The following TSPEAR variants were observed in gnomAD, a reference collection of about 807,000 sequenced individuals.
TSPEAR encodes thrombospondin type laminin G domain and EAR repeats, also known as thrombospondin-type laminin G domain and EAR repeat-containing protein.
In TSPEAR, 69 loss-of-function variants were observed where a neutral mutation model predicts 71.6. The observed-to-expected ratio is 0.96, with a 90% CI of 0.79 to 1.18. TSPEAR has a LOEUF of 1.18. TSPEAR is among the 50% of genes most tolerant of loss of function. The probability of loss-of-function intolerance (pLI) is 0.00; values close to 1 mark genes in which losing one functional copy is unlikely to be tolerated. For synonymous variants in TSPEAR, 402 were observed against 387.2 expected (o/e 1.04, Z -0.45); for missense variants, 971 against 894.9 (o/e 1.09, Z -1.09).
Position 44,612,119 on chromosome 21 carries a change from A to G in TSPEAR, c.83-44114T>C, listed in dbSNP as rs1413388123. The G allele has an allele frequency of 1.2e-6, 2 of 1,613,808 alleles. No individual in the cohort carries two copies. Among genetic ancestry groups the G allele is most frequent in the African/African-American group, 2.7e-5 (2 of 74,892 alleles). On this transcript the variant is annotated intron_variant, in intron 1 of 11. Coordinates refer to ENST00000323084, the MANE Select transcript of TSPEAR (RefSeq NM_144991.3). The surrounding 1 kb of genome is among the most constrained non-coding windows in gnomAD (Gnocchi z 4.1). ...ACCCACCATGGCTGACGCCTGCTGC[A>G]CCAGGACGTATGTGATTGCTGCATC...
chr21:44,614,402 C>G (rs1427410264), intron 1 of TSPEAR, among the ~76,000 whole-genome samples: 1 of 152,228 alleles, frequency 6.6e-6, no homozygotes, highest in African/African-American at 2.4e-5. Flanking sequence ...GGCACCGTCC[C>G]CAGGGGGCTG....
At chr21:44,632,203 A>G (rs77910379) in intron 1 of TSPEAR, among the ~76,000 whole-genome samples, 2,146 of 152,336 alleles carry the variant, frequency 0.014, 58 homozygotes, top group African/African-American at 0.049. Flanking sequence ...AAACTCAAAA[A>G]GATCCACACA....
chr21:44,638,530 G>T (rs1210954179), intron 1 of TSPEAR: 8 of 293,716 alleles, frequency 2.7e-5, no homozygotes, highest in African/African-American at 1.7e-4. Flanking sequence ...ACTGCAGGGA[G>T]AGTCCTGACC....
chr21:44,642,973 AG>A lies in TSPEAR; in HGVS notation c.82+68459del, dbSNP rs1189069323. 6.6e-6 allele frequency among the ~76,000 whole-genome samples: 1 copy of A among 152,254 alleles called. No homozygotes were observed. Among genetic ancestry groups the A allele is most frequent in the African/African-American group, 2.4e-5 (1 of 41,476 alleles). The stretch of plus-strand genomic sequence containing the variant: ...ATACCTGCACTGCCATGCTAACTGC[AG>A]CACTATTCACAACAGCAAAGATACG... On this transcript the variant is annotated intron_variant, in intron 1 of 11. Coordinates refer to ENST00000323084, the MANE Select transcript of TSPEAR (RefSeq NM_144991.3). The surrounding 1 kb of genome is among the most constrained non-coding windows in gnomAD (Gnocchi z 4.1).
intron 11 of TSPEAR, among the ~76,000 whole-genome samples, chr21:44,501,407 A>G (rs1434684834): frequency 6.6e-6 from 1 of 152,204 alleles, no homozygotes; most frequent in East Asian, 1.9e-4. Context: ...CATCCTGGCT[A>G]ACACAGTGAA....
intron 1 of TSPEAR, among the ~76,000 whole-genome samples, chr21:44,706,377 A>C (rs1987918908): frequency 6.6e-6 from 1 of 150,782 alleles, no homozygotes. Context: ...CCATGCACGC[A>C]CACACGCGCG....
rs1555931439 is a variant in TSPEAR, at chr21:44,612,609, G to C, written c.83-44604C>G. 3 of 1,613,962 alleles carry C rather than the reference G, an allele frequency of 1.9e-6. No individual in the cohort carries two copies. Among genetic ancestry groups the C allele is most frequent in the Admixed American group, 1.7e-5 (1 of 60,008 alleles). The stretch of plus-strand genomic sequence containing the variant: ...CAACAGGCCTGCTGTGTGCCCATCT[G>C]CTGCAAGCCCATCTGCTGTGTGCCT... On this transcript the variant is annotated intron_variant, in intron 1 of 11. Coordinates refer to ENST00000323084, the MANE Select transcript of TSPEAR (RefSeq NM_144991.3). The surrounding 1 kb of genome is among the most constrained non-coding windows in gnomAD (Gnocchi z 4.1).
chr21:44,520,122 C>T lies in TSPEAR; in HGVS notation c.1566+1761G>A, dbSNP rs112392821. On this transcript the variant is annotated intron_variant, in intron 9 of 11. Transcript: ENST00000323084. This position sits in a 1 kb window ranked among gnomAD's most constrained non-coding sequence, Gnocchi z 4.2. ...TGTGTTCCTTCTGGCACTGCTGCCT[C>T]CTCACCTGGGCGCCTGCGGCTCATC... The T allele has an allele frequency of 1.3e-5, 2 of 152,702 alleles. No individual in the cohort carries two copies. Among genetic ancestry groups the T allele is most frequent in the Non-Finnish European group, 2.9e-5 (2 of 68,338 alleles). The allele number at this position is 152,702 out of a possible 1,614,324, so 9.5% of individuals were successfully genotyped here. A position where few individuals can be genotyped will look rare whatever the true frequency, so the allele number is the denominator to read the frequency against.
At chr21:44,562,305 C>T (rs1206820639) in intron 2 of TSPEAR, among the ~76,000 whole-genome samples, 2 of 152,100 alleles carry the variant, frequency 1.3e-5, no homozygotes, top group African/African-American at 2.4e-5. Flanking sequence ...AGGAGAACTA[C>T]AAATCACTGC....
At chr21:44,690,392 C>G (rs1323571559) in intron 1 of TSPEAR, among the ~76,000 whole-genome samples, 6 of 152,230 alleles carry the variant, frequency 3.9e-5, no homozygotes, top group African/African-American at 1.2e-4. Context: ...GATATGTCCT[C>G]TGTTGAAATG....
chr21:44,666,276 C>T (rs1985753620), intron 1 of TSPEAR: 1 of 862,022 alleles, frequency 1.2e-6, no homozygotes, highest in African/African-American at 1.7e-5. Context: ...TGGGCAAGGT[C>T]AGCAAGGGCT....
At chr21:44,510,739 T>C (rs1472470830) in intron 9 of TSPEAR, 1 of 152,270 alleles carries the variant, frequency 6.6e-6, no homozygotes, top group African/African-American at 2.4e-5. Flanking sequence ...AGGACACAGC[T>C]CCGTGGGCAC....
At chr21:44,617,700 A>T (rs890913095) in intron 1 of TSPEAR, among the ~76,000 whole-genome samples, 1 of 152,254 alleles carries the variant, frequency 6.6e-6, no homozygotes. Flanking sequence ...CAATTTAATA[A>T]AGAAAAATAT....
chr21:44,655,505 A>G (rs1985091649), intron 1 of TSPEAR, among the ~76,000 whole-genome samples: 1 of 152,228 alleles, frequency 6.6e-6, no homozygotes, highest in African/African-American at 2.4e-5. Flanking sequence ...ACTAATGGCC[A>G]CAGGACACCT....
In TSPEAR at chr21:44,711,377, C is replaced by G; in HGVS notation, c.82+56G>C. On this transcript the variant is annotated intron_variant, in intron 1 of 11. Coordinates refer to ENST00000323084, the MANE Select transcript of TSPEAR (RefSeq NM_144991.3). This position sits in a 1 kb window ranked among gnomAD's most constrained non-coding sequence, Gnocchi z 4.5. ...GAAAGTGGCATTTGTGACTCGACAC[C>G]CCTCCCAGCTCCCCGGCAAGATACC... 6.7e-7 allele frequency: 1 copy of G among 1,489,754 alleles called. No individual in the cohort carries two copies. Among genetic ancestry groups the G allele is most frequent in the Non-Finnish European group, 9.1e-7 (1 of 1,094,886 alleles). 92.3% of individuals were successfully genotyped at this position (1,489,754 alleles called of 1,614,324 possible).
intron 1 of TSPEAR, among the ~76,000 whole-genome samples, chr21:44,604,327 TTATAAA>T (rs1412907044): frequency 1.3e-5 from 2 of 152,094 alleles, no homozygotes; most frequent in African/African-American, 2.4e-5. Context: ...AATTCAGAAT[TTATAAA>T]GAAAACATAA....
chr21:44,507,012 G>C (rs587719811), intron 10 of TSPEAR: 30 of 152,414 alleles, frequency 2.0e-4, no homozygotes, highest in African/African-American at 7.2e-4. Context: ...GACGGATGAA[G>C]TGTGACTCAG....
At position 44,521,931 on chromosome 21, in the gene TSPEAR, G is replaced by A; in HGVS notation, c.1518C>T (p.His506=). 3 of 1,614,102 alleles carry A rather than the reference G, an allele frequency of 1.9e-6. No homozygotes were observed. The highest frequency in any genetic ancestry group is 2.5e-6 in the Non-Finnish European group (3 of 1,180,010). The change falls in exon 9 of 12, where the codon CAC becomes CAT. Residue 506 remains histidine (H), a synonymous_variant. Coordinates refer to ENST00000323084, the MANE Select transcript of TSPEAR (RefSeq NM_144991.3). The part of the protein sequence containing the change: ...FNGTSTKVHS[H]LYIRLLGSFQ... ...AGGAGCCCAGGAGTCGGATGTAGAG[G>A]TGCGAGTGCACCTTGGTGGAGGTGC...
intron 2 of TSPEAR, among the ~76,000 whole-genome samples, chr21:44,559,366 T>C (rs745538370): frequency 1.6e-4 from 25 of 152,308 alleles, no homozygotes; most frequent in Non-Finnish European, 2.5e-4. Flanking sequence ...GGGCAGAGAT[T>C]GGCTCGCAGA....
Sources: gnomAD v4.1 joint callset for allele counts (sites outside exome capture counted in the v4.1 genomes callset) on GRCh38, gnomAD v4.1.1 for gene constraint, Gnocchi (gnomAD v3.1) non-coding constraint, MANE v1.5 for transcripts, NCBI Gene and HGNC (gene_info 2026-07-23, HGNC 2026-07-21) for gene names.